Variants in FAM32A observed in about 807,000 individuals in gnomAD.
FAM32A encodes the protein family with sequence similarity 32 member A, also known as protein FAM32A.
Under a neutral mutation model 15.8 loss-of-function variants are expected in FAM32A, and 9 were observed. That is an observed-to-expected ratio of 0.57 (90% CI 0.34 to 1.00). FAM32A has a LOEUF of 1.00. Ranked by LOEUF, FAM32A falls within the 50% of genes least tolerant of loss-of-function variation. The pLI is 0.02. For missense variants in FAM32A, 113 were observed against 138.3 expected (o/e 0.82, Z 0.92); for synonymous variants, 64 against 54.9 (o/e 1.16, Z -0.73).
intron 3 of FAM32A, 104 bp downstream of exon 3, chr19:16,190,677 G>C (rs1003779111): frequency 5.2e-5 from 52 of 991,474 alleles, no homozygotes; most frequent in Non-Finnish European, 8.1e-5. Context: ...TGACGAGAAG[G>C]GAAGTTTACC....
In FAM32A at chr19:16,188,817, A is replaced by AG. The variant is rs998171129; in HGVS notation, c.217-1696dup. 9.9e-5 allele frequency among the ~76,000 whole-genome samples: 15 copies of AG among 152,110 alleles called. No individual in the cohort carries two copies. The South Asian group carries it at 2.3e-3, about 23-fold the overall frequency. On this transcript the variant is annotated intron_variant, in intron 2 of 3. Coordinates refer to ENST00000263384, the MANE Select transcript of FAM32A (RefSeq NM_014077.4). ...ACAGGAGGTGAGGGAATGAAGGAGA[A>AG]GGGGGGGACAGAGAGGAGCAGCCAG...
chr19:16,185,806 G>C, intron 2 of FAM32A, 41 bp downstream of exon 2: 1 of 1,537,670 alleles, frequency 6.5e-7, no homozygotes, highest in Non-Finnish European at 8.8e-7. Flanking sequence ...GGGAACACCC[G>C]GCGCCGGGAG....
At chr19:16,190,151 C>A (rs935414704) in intron 2 of FAM32A, among the ~76,000 whole-genome samples, 2 of 152,150 alleles carry the variant, frequency 1.3e-5, no homozygotes, top group African/African-American at 4.8e-5. Context: ...CTATGTCAGA[C>A]CCTTTACCTC....
intron 3 of FAM32A, 142 bp downstream of exon 3, chr19:16,190,715 A>T: frequency 1.2e-6 from 1 of 855,814 alleles, no homozygotes; most frequent in South Asian, 1.5e-5. Flanking sequence ...CCCCAGGGTT[A>T]TTCAAAGGGG....
Position 16,185,450 on chromosome 19 carries a change from C to T in FAM32A, c.8C>T (p.Ala3Val), listed in dbSNP as rs1018856830. The T allele has an allele frequency of 1.9e-6, 3 of 1,557,750 alleles. No homozygotes were observed. The highest frequency in any genetic ancestry group is 2.6e-6 in the Non-Finnish European group (3 of 1,150,418). The change falls in exon 1 of 4, where the codon GCC (alanine) becomes GTC (valine). Residue 3 changes from alanine (A) to valine (V), a missense_variant. Ala to Val is a moderately conservative substitution (Grantham distance 64). Transcript: ENST00000263384. MEAYEQVQKGPLK... is the reference protein window; with the variant it reads MEVYEQVQKGPLK... ...GAAGCACTGGAGAGTGTCATGGAGGCCTACGAGCAGGTCCAAAAGGGACCC... is the reference window on the plus strand; with the variant it reads ...GAAGCACTGGAGAGTGTCATGGAGGTCTACGAGCAGGTCCAAAAGGGACCC...
chr19:16,186,876 G>A (rs1599444216), intron 2 of FAM32A, among the ~76,000 whole-genome samples: 2 of 152,138 alleles, frequency 1.3e-5, no homozygotes, highest in African/African-American at 4.8e-5. Context: ...GTGGCTAGAG[G>A]CCAGGGATGA....
intron 1 of FAM32A, 51 bp downstream of exon 1, chr19:16,185,567 T>C: frequency 6.3e-7 from 1 of 1,582,268 alleles, no homozygotes; most frequent in Non-Finnish European, 8.6e-7. Context: ...TTAGACCTTT[T>C]CTCGGGACCC....
intron 2 of FAM32A, 30 bp downstream of exon 2, chr19:16,185,795 C>A: frequency 6.5e-7 from 1 of 1,540,612 alleles, no homozygotes; most frequent in Non-Finnish European, 8.7e-7. Context: ...GGCGGGGAGG[C>A]GGGAACACCC....
chr19:16,188,081 T>C (rs1242644510), intron 2 of FAM32A, among the ~76,000 whole-genome samples: 5 of 152,076 alleles, frequency 3.3e-5, no homozygotes, highest in Non-Finnish European at 5.9e-5. Context: ...AACCCTGAGG[T>C]TGTAGTCAGA....
In FAM32A at chr19:16,191,087, C is replaced by A. The variant is rs549016714; in HGVS notation, c.*132C>A. On this transcript the variant is annotated 3_prime_UTR_variant, in exon 4 of 4. Transcript: ENST00000263384. ...GCATCTTCTGCTACAGACTGCTTTT[C>A]GAAGCTGTGTACCCTCATTCTGGAA... The A allele has an allele frequency of 1.0e-4, 73 of 718,764 alleles. No homozygotes were observed. In the South Asian group the frequency reaches 1.1e-3, roughly 11 times the overall value. 44.5% of individuals were successfully genotyped at this position (718,764 alleles called of 1,614,324 possible). A position where few individuals can be genotyped will look rare whatever the true frequency, so the allele number is the denominator to read the frequency against.
Position 16,192,041 on chromosome 19 carries a change from T to C in FAM32A, c.*1086T>C, listed in dbSNP as rs1457159302. ...TACACAATAAAGCAAAAGTCAGTTA[T>C]TGTAAGTCTGAGTGTCTTCTTTTTT... On this transcript the variant is annotated 3_prime_UTR_variant, in exon 4 of 4. Coordinates refer to ENST00000263384, the MANE Select transcript of FAM32A (RefSeq NM_014077.4). The C allele has an allele frequency of 6.7e-6, 1 of 150,372 alleles. No homozygotes were observed. Among genetic ancestry groups the C allele is most frequent in the African/African-American group, 2.4e-5 (1 of 41,320 alleles). The allele number at this position is 150,372 out of a possible 1,614,324, so 9.3% of individuals were successfully genotyped here.
rs366657 is a variant in FAM32A at position 16,185,900 on chromosome 19, T to A, written c.216+135T>A. On this transcript the variant is annotated intron_variant, in intron 2 of 3. Coordinates refer to ENST00000263384, the MANE Select transcript of FAM32A (RefSeq NM_014077.4). ...CCTTAATTACGGGGAGAGGATGCTGTACGTGAGTGAGAGAAGAGTCGCCCT... is the reference window on the plus strand; with the variant it reads ...CCTTAATTACGGGGAGAGGATGCTGAACGTGAGTGAGAGAAGAGTCGCCCT... The A allele has an allele frequency of 7.4e-3, 7,710 of 1,040,962 alleles. 403 individuals carry two copies. The African/African-American group carries it at 0.11, about 15-fold the overall frequency. The allele number at this position is 1,040,962 out of a possible 1,614,324, so 64.5% of individuals were successfully genotyped here.
chr19:16,190,656 T>C (rs928945142), intron 3 of FAM32A, 83 bp downstream of exon 3: 3 of 1,104,872 alleles, frequency 2.7e-6, no homozygotes, highest in African/African-American at 1.5e-5. Context: ...CAGAGGGAGC[T>C]GTTGGCATGT....
Position 16,190,593 on chromosome 19 carries a change from G to C in FAM32A, c.270+20G>C. 2 of 1,599,460 alleles carry C rather than the reference G, an allele frequency of 1.3e-6. No homozygotes were observed. The highest frequency in any genetic ancestry group is 1.3e-5 in the African/African-American group (1 of 74,744). On this transcript the variant is annotated intron_variant, in intron 3 of 3. Coordinates refer to ENST00000263384, the MANE Select transcript of FAM32A (RefSeq NM_014077.4). ...GTGGAGGTGAGTCGCCGTGTCCAGT[G>C]GGGGAGACTGAGCCATTCAGGGTCC...
At position 16,190,510 on chromosome 19, in the gene FAM32A, C is replaced by T. The variant is rs1163137946; in HGVS notation, c.217-10C>T. On this transcript the variant is annotated splice_polypyrimidine_tract_variant and intron_variant, in intron 2 of 3. Transcript: ENST00000263384. ...CTGTAAACTCACCTCCATGTCTCTT[C>T]TCTCTCCAGCAAATGGAAAGGATCC... is the stretch of plus-strand genomic sequence containing the variant. 3.1e-6 allele frequency: 5 copies of T among 1,605,330 alleles called. No homozygotes were observed. Among genetic ancestry groups the T allele is most frequent in the Non-Finnish European group, 8.5e-7 (1 of 1,174,688 alleles).
intron 2 of FAM32A, chr19:16,187,577 T>C (rs1246382831): frequency 1.3e-5 from 2 of 149,596 alleles, no homozygotes; most frequent in Non-Finnish European, 3.0e-5. Context: ...GCCTCCTGAG[T>C]AGCTGGGATT....
At position 16,188,770 on chromosome 19, in the gene FAM32A, G is replaced by A. The variant is rs373461318; in HGVS notation, c.217-1750G>A. The stretch of plus-strand genomic sequence containing the variant: ...GGCACTCGCCTTAGAGGGAGAATCA[G>A]CCAGGTGAGGGCTGACTGGACACAG... On this transcript the variant is annotated intron_variant, in intron 2 of 3. Transcript: ENST00000263384. Among the ~76,000 whole-genome samples the A allele has an allele frequency of 5.9e-5, 9 of 152,274 alleles. No homozygotes were observed. The East Asian group carries it at 1.2e-3, about 20-fold the overall frequency.
chr19:16,186,030 G>T (rs1253815905), intron 2 of FAM32A, among the ~76,000 whole-genome samples: 1 of 152,236 alleles, frequency 6.6e-6, no homozygotes, highest in Admixed American at 6.5e-5. Context: ...GGAGACCCGG[G>T]TTTGGATTCC....
At chr19:16,190,434 G>T (rs563060336) in intron 2 of FAM32A, 86 bp from the exon 3 acceptor site, 9 of 909,116 alleles carry the variant, frequency 9.9e-6, no homozygotes, top group Non-Finnish European at 1.6e-5. Flanking sequence ...GTGAGAGCCA[G>T]TCTGGCCAGG....
Sources: allele counts gnomAD v4.1 joint callset (sites outside exome capture counted in the v4.1 genomes callset), GRCh38; gene constraint gnomAD v4.1.1; transcripts MANE v1.5; gene names NCBI Gene and HGNC (gene_info 2026-07-23, HGNC 2026-07-21).